SGCD: variants seen among roughly 807,000 people sequenced by gnomAD.
SGCD encodes delta-sarcoglycan.
Under a neutral mutation model 36.6 loss-of-function variants are expected in SGCD, and 18 were observed. That is an observed-to-expected ratio of 0.49 (90% CI 0.34 to 0.73). The LOEUF (loss-of-function observed/expected upper bound fraction) is 0.73. Among genes scored for constraint, SGCD ranks in the 30% least tolerant of loss-of-function variants. The probability of loss-of-function intolerance (pLI) is 0.01; values close to 1 mark genes in which losing one functional copy is unlikely to be tolerated. For synonymous variants in SGCD, 133 were observed against 130.6 expected (o/e 1.02, Z -0.12); for missense variants, 387 against 346.7 (o/e 1.12, Z -0.92).
chr5:156,443,025 C>T (rs1753564512), intron 3 of SGCD, among the ~76,000 whole-genome samples: 1 of 152,126 alleles, frequency 6.6e-6, no homozygotes, highest in Admixed American at 6.5e-5. Flanking sequence ...GTCTCTGTCA[C>T]CCAGGCTGGA....
At chr5:156,187,774 G>A (rs1180350370) in intron 3 of SGCD, among the ~76,000 whole-genome samples, 1 of 152,064 alleles carries the variant, frequency 6.6e-6, no homozygotes. Context: ...GGATGGAACT[G>A]GCCAGAGATG....
chr5:156,712,481 A>G (rs1224472381), intron 7 of SGCD, among the ~76,000 whole-genome samples: 1 of 152,260 alleles, frequency 6.6e-6, no homozygotes, highest in Non-Finnish European at 1.5e-5. Flanking sequence ...CCATTTAACT[A>G]TACCAATCGA....
chr5:155,838,404 G>A, the SGCD span, among the ~76,000 whole-genome samples: 3 of 151,922 alleles, frequency 2.0e-5, no homozygotes, highest in African/African-American at 7.3e-5. Context: ...TAATTTATTT[G>A]TTGAAGAAAT....
chr5:155,762,730 G>A, the SGCD span, among the ~76,000 whole-genome samples: 2 of 152,104 alleles, frequency 1.3e-5, no homozygotes, highest in African/African-American at 2.4e-5. Flanking sequence ...CATTAAACAT[G>A]GTTGCCCCTC....
the SGCD span, among the ~76,000 whole-genome samples, chr5:155,732,867 G>T: frequency 1.3e-5 from 2 of 152,130 alleles, no homozygotes; most frequent in African/African-American, 4.8e-5. Context: ...AGTCCCTCCT[G>T]CTTCCAGCCA....
intron 1 of SGCD, among the ~76,000 whole-genome samples, chr5:155,894,341 C>T (rs1756200983): frequency 6.6e-6 from 1 of 152,096 alleles, no homozygotes; most frequent in Admixed American, 6.5e-5. Flanking sequence ...GGACCAGTGC[C>T]ATATATGTGG....
At chr5:155,949,335 A>G (rs1429969783) in intron 1 of SGCD, among the ~76,000 whole-genome samples, 1 of 152,196 alleles carries the variant, frequency 6.6e-6, no homozygotes, top group African/African-American at 2.4e-5. Flanking sequence ...ATAATCAATC[A>G]TAAGAAAGAT....
intron 1 of SGCD, among the ~76,000 whole-genome samples, chr5:156,043,574 A>G (rs748996924): frequency 7.2e-5 from 11 of 152,156 alleles, no homozygotes; most frequent in Non-Finnish European, 1.6e-4. Context: ...CAGCAGAGAA[A>G]GAACAGTTTT....
chr5:156,661,733 A>C (rs1763935909), intron 7 of SGCD, among the ~76,000 whole-genome samples: 1 of 151,248 alleles, frequency 6.6e-6, no homozygotes, highest in Admixed American at 6.6e-5. Flanking sequence ...CCACAAAATT[A>C]GCAAGACCAA....
chr5:156,045,704 T>A (rs879914005), intron 1 of SGCD, among the ~76,000 whole-genome samples: 4 of 152,192 alleles, frequency 2.6e-5, no homozygotes, highest in Admixed American at 2.6e-4. Context: ...TGTCCTCCAA[T>A]GGCCATTCCT....
At chr5:156,631,607 G>C (rs1476405121) in intron 6 of SGCD, among the ~76,000 whole-genome samples, 1 of 151,102 alleles carries the variant, frequency 6.6e-6, no homozygotes, top group African/African-American at 2.4e-5. Flanking sequence ...CACAAAATGT[G>C]CTTGCCTCTG....
chr5:156,534,665 CTG>C (rs1365007028), intron 4 of SGCD, among the ~76,000 whole-genome samples: 2 of 152,156 alleles, frequency 1.3e-5, no homozygotes, highest in African/African-American at 2.4e-5. Context: ...TCAGACAAAA[CTG>C]TGTGTGAAGC....
intron 1 of SGCD, among the ~76,000 whole-genome samples, chr5:156,042,772 T>A (rs1759668773): frequency 6.6e-6 from 1 of 152,134 alleles, no homozygotes; most frequent in Non-Finnish European, 1.5e-5. Context: ...AGAAGGCCAA[T>A]CTTAGGTTCT....
the SGCD span, among the ~76,000 whole-genome samples, chr5:155,815,998 A>G: frequency 6.6e-6 from 1 of 152,224 alleles, no homozygotes; most frequent in Non-Finnish European, 1.5e-5. Flanking sequence ...CAGTCCATTG[A>G]GCAAATATAC....
chr5:156,337,087 A>G (rs560416105), intron 2 of SGCD, among the ~76,000 whole-genome samples: 1 of 152,312 alleles, frequency 6.6e-6, no homozygotes, highest in Non-Finnish European at 1.5e-5. Context: ...CCTGGTATGG[A>G]TGGCTGACTA....
At chr5:156,139,349 G>C (rs984331088) in intron 3 of SGCD, among the ~76,000 whole-genome samples, 3 of 117,546 alleles carry the variant, frequency 2.6e-5, no homozygotes, top group African/African-American at 8.0e-5. Context: ...AATTTTTGTA[G>C]TTTGGGCTTT....
At chr5:156,673,102 T>C (rs558564233) in intron 7 of SGCD, among the ~76,000 whole-genome samples, 36 of 152,298 alleles carry the variant, frequency 2.4e-4, no homozygotes, top group African/African-American at 8.2e-4. Flanking sequence ...TCAAGTTAGA[T>C]GAATCATTAC....
chr5:156,522,684 C>T (rs1476064669), intron 4 of SGCD, among the ~76,000 whole-genome samples: 1 of 151,516 alleles, frequency 6.6e-6, no homozygotes, highest in African/African-American at 2.4e-5. Flanking sequence ...CACCATGGCA[C>T]ACATTTACCT....
At chr5:155,756,847 A>G in the SGCD span, among the ~76,000 whole-genome samples, 2 of 152,192 alleles carry the variant, frequency 1.3e-5, no homozygotes, top group Non-Finnish European at 2.9e-5. Context: ...CATGAGTTGT[A>G]CACACTGGTG....
Sources: gnomAD v4.1 joint callset for allele counts (sites outside exome capture counted in the v4.1 genomes callset) on GRCh38, gnomAD v4.1.1 for gene constraint, MANE v1.5 for transcripts, NCBI Gene and HGNC (gene_info 2026-07-23, HGNC 2026-07-21) for gene names.